NELL1: variants seen among roughly 807,000 people sequenced by gnomAD.
NELL1 encodes protein kinase C-binding protein NELL1.
NELL1 carries 76 observed loss-of-function variants against 107.4 expected under a neutral mutation model. The ratio of observed to expected loss-of-function variants is 0.71; its 90% CI spans 0.59 to 0.86. NELL1 has a LOEUF of 0.86. Ranked by LOEUF, NELL1 falls within the 40% of genes least tolerant of loss-of-function variation. NELL1 has a pLI of 0.00. For synonymous variants in NELL1, 353 were observed against 341.2 expected (o/e 1.03, Z -0.38); for missense variants, 1,024 against 1,005.5 (o/e 1.02, Z -0.25).
intron 2 of NELL1, among the ~76,000 whole-genome samples, chr11:20,690,949 T>C (rs1333881614): frequency 1.3e-5 from 2 of 152,220 alleles, no homozygotes; most frequent in East Asian, 3.9e-4. Context: ...TGTGTCCTCT[T>C]TTGTTTCATT....
intron 15 of NELL1, among the ~76,000 whole-genome samples, chr11:21,459,259 T>C (rs1400730176): frequency 6.7e-6 from 1 of 148,178 alleles, no homozygotes; most frequent in Non-Finnish European, 1.5e-5. Flanking sequence ...GTCCACCAGT[T>C]CACAAAACCA....
At chr11:20,948,911 T>C (rs1851018707) in intron 11 of NELL1, among the ~76,000 whole-genome samples, 5 of 152,212 alleles carry the variant, frequency 3.3e-5, no homozygotes, top group Admixed American at 2.0e-4. Flanking sequence ...AGGAGGTCCC[T>C]GCAGCATAGC....
intron 15 of NELL1, among the ~76,000 whole-genome samples, chr11:21,435,503 G>GT (rs71034522): frequency 0.37 from 51,344 of 139,264 alleles, 9,888 homozygotes; most frequent in South Asian, 0.45. Context: ...TTTGTTTTTT[G>GT]TTTTTTTTTA....
At chr11:21,024,506 C>G (rs1282620869) in intron 12 of NELL1, among the ~76,000 whole-genome samples, 1 of 152,056 alleles carries the variant, frequency 6.6e-6, no homozygotes, top group East Asian at 1.9e-4. Context: ...GTTCAAACTT[C>G]TTCTATCAAG....
At chr11:20,884,237 G>T (rs1390319472) in intron 4 of NELL1, among the ~76,000 whole-genome samples, 2 of 152,176 alleles carry the variant, frequency 1.3e-5, no homozygotes, top group Non-Finnish European at 2.9e-5. Flanking sequence ...CACTTTCCTT[G>T]ACACAAGTGG....
rs562774574 is a variant in NELL1 at position 21,244,825 on chromosome 11, C to G, written c.1549+15371C>G. ...GGTCACGGTTTCTGGAGCTAGACTG[C>G]TTGGTTGGAAGTTTGGCTCTTCTAC... is the stretch of plus-strand genomic sequence containing the variant. On this transcript the variant is annotated intron_variant, in intron 14 of 19. Transcript: ENST00000357134. 1.1e-4 allele frequency among the ~76,000 whole-genome samples: 17 copies of G among 152,228 alleles called. No homozygotes were observed. The South Asian group carries it at 3.3e-3, about 30-fold the overall frequency.
chr11:21,557,011 T>A (rs1856730431), intron 16 of NELL1, among the ~76,000 whole-genome samples: 1 of 151,990 alleles, frequency 6.6e-6, no homozygotes. Context: ...GAACAACAGT[T>A]GCAATATGTA....
rs910181620 is a variant in NELL1, at chr11:21,436,780, C to A, written c.1645+65832C>A. On this transcript the variant is annotated intron_variant, in intron 15 of 19. Coordinates refer to ENST00000357134, the MANE Select transcript of NELL1 (RefSeq NM_006157.5). Reference sequence around the variant, plus strand: ...TAGACAGTTATTGCTATTAGTGCTGCTTTTTCTGTGTCCCATTGGTTTTGG... The same window carrying A: ...TAGACAGTTATTGCTATTAGTGCTGATTTTTCTGTGTCCCATTGGTTTTGG... Among the ~76,000 whole-genome samples the A allele has an allele frequency of 5.3e-5, 8 of 152,062 alleles. No homozygotes were observed. In the East Asian group the frequency reaches 1.5e-3, roughly 29 times the overall value.
intron 13 of NELL1, among the ~76,000 whole-genome samples, chr11:21,146,058 T>A (rs552791577): frequency 5.1e-4 from 77 of 152,318 alleles, no homozygotes; most frequent in African/African-American, 1.8e-3. Context: ...ATTTCATGCC[T>A]GTAAGTTTCA....
chr11:21,262,365 C>T lies in NELL1; in HGVS notation c.1549+32911C>T, dbSNP rs567401512. 9.9e-5 allele frequency among the ~76,000 whole-genome samples: 15 copies of T among 151,794 alleles called. No homozygotes were observed. The South Asian group carries it at 1.0e-3, about 11-fold the overall frequency. ...ACTGTGCTTACTTTTCTTAGTTGAC[C>T]GCTCTGGCTTGGTTCTCCATTAATT... On this transcript the variant is annotated intron_variant, in intron 14 of 19. Coordinates refer to ENST00000357134, the MANE Select transcript of NELL1 (RefSeq NM_006157.5).
chr11:21,006,244 A>G (rs1210940994), intron 12 of NELL1, among the ~76,000 whole-genome samples: 1 of 151,988 alleles, frequency 6.6e-6, no homozygotes, highest in Non-Finnish European at 1.5e-5. Context: ...TAGAATTAGG[A>G]TGGGGGATCC....
At chr11:21,546,474 T>G (rs565394728) in intron 16 of NELL1, among the ~76,000 whole-genome samples, 1 of 151,954 alleles carries the variant, frequency 6.6e-6, no homozygotes, top group South Asian at 2.1e-4. Flanking sequence ...ATAATCCCCA[T>G]GTGTCATGGG....
chr11:21,092,143 T>C (rs1417359317), intron 12 of NELL1, among the ~76,000 whole-genome samples: 3 of 152,220 alleles, frequency 2.0e-5, no homozygotes, highest in Non-Finnish European at 2.9e-5. Flanking sequence ...TTGGTTCAAA[T>C]CTGTCAATAG....
intron 4 of NELL1, 55 bp from the exon 5 acceptor site, chr11:20,885,389 C>A (rs1404418115): frequency 1.8e-6 from 2 of 1,141,104 alleles, no homozygotes; most frequent in Non-Finnish European, 2.7e-6. Flanking sequence ...GCATATGCAC[C>A]TTTTGGTTCT....
chr11:21,072,300 C>T (rs1854034489), intron 12 of NELL1, among the ~76,000 whole-genome samples: 1 of 152,098 alleles, frequency 6.6e-6, no homozygotes, highest in African/African-American at 2.4e-5. Context: ...TTATAAATTA[C>T]TCTATTATTA....
At chr11:21,211,304 A>T (rs189391007) in intron 13 of NELL1, among the ~76,000 whole-genome samples, 22 of 152,234 alleles carry the variant, frequency 1.4e-4, no homozygotes, top group Non-Finnish European at 1.9e-4. Context: ...GAGCATATGA[A>T]AATGCTTATG....
intron 12 of NELL1, among the ~76,000 whole-genome samples, chr11:20,983,099 T>C (rs1428032501): frequency 6.6e-6 from 1 of 152,206 alleles, no homozygotes; most frequent in East Asian, 1.9e-4. Flanking sequence ...TTTGTGACTG[T>C]GGCAAGTTAT....
chr11:20,841,340 T>C (rs950479890), intron 3 of NELL1, among the ~76,000 whole-genome samples: 2 of 147,454 alleles, frequency 1.4e-5, no homozygotes, highest in African/African-American at 5.0e-5. Flanking sequence ...TTTTTTTTGG[T>C]GACAGCTACT....
chr11:20,709,409 T>G (rs1209006308), intron 2 of NELL1, among the ~76,000 whole-genome samples: 1 of 152,230 alleles, frequency 6.6e-6, no homozygotes, highest in East Asian at 1.9e-4. Context: ...GTGACTATTT[T>G]TATACCAGTA....
Sources: allele counts gnomAD v4.1 joint callset (sites outside exome capture counted in the v4.1 genomes callset), GRCh38; gene constraint gnomAD v4.1.1; transcripts MANE v1.5; gene names NCBI Gene and HGNC (gene_info 2026-07-23, HGNC 2026-07-21).